The following PCDHA1 variants were observed in gnomAD, a reference collection of about 807,000 sequenced individuals.
PCDHA1 encodes protocadherin alpha-1.
In PCDHA1, 42 loss-of-function variants were observed where a neutral mutation model predicts 61.3. The ratio of observed to expected loss-of-function variants is 0.69; its 90% CI spans 0.54 to 0.89. PCDHA1 has a LOEUF of 0.89. Among genes scored for constraint, PCDHA1 ranks in the 40% least tolerant of loss-of-function variants. The pLI is 0.00. For missense variants in PCDHA1, 1,256 were observed against 1,235.3 expected, an observed-to-expected ratio of 1.02 and a Z score of -0.25; for synonymous variants, 610 against 553.8, an observed-to-expected ratio of 1.10 and a Z score of -1.43.
chr5:140,884,444 C>G (rs1186302015), intron 1 of PCDHA1: 1 of 1,613,776 alleles, frequency 6.2e-7, no homozygotes, highest in East Asian at 2.2e-5. Flanking sequence ...GTGCTCGGCA[C>G]CGCCCACCGA....
Position 140,843,067 on chromosome 5 carries a change from G to A in PCDHA1, c.2394+54383G>A, listed in dbSNP as rs143344890. 15 of 1,595,152 alleles carry A rather than the reference G, an allele frequency of 9.4e-6. 1 individual carries two copies. The African/African-American group carries it at 2.0e-4, about 21-fold the overall frequency. ...GTGGCGCAGCGAGCAAGCTGGTGCC[G>A]CGGTCTGTGGGCGCGGGCCACGTGG... On this transcript the variant is annotated intron_variant, in intron 1 of 3. Coordinates refer to ENST00000504120, the MANE Select transcript of PCDHA1 (RefSeq NM_018900.4).
intron 3 of PCDHA1, among the ~76,000 whole-genome samples, chr5:140,989,362 G>A (rs1264795948): frequency 6.6e-6 from 1 of 152,176 alleles, no homozygotes; most frequent in African/African-American, 2.4e-5. Context: ...GGTCACCTGT[G>A]TGACTGAGAG....
intron 1 of PCDHA1, chr5:140,881,257 C>T (rs2058639669): frequency 2.0e-6 from 1 of 512,572 alleles, no homozygotes; most frequent in Non-Finnish European, 2.5e-6. Context: ...CAAGGTTTTA[C>T]TCAGTGATGA....
At chr5:140,982,628 G>A (rs2096992254) in intron 3 of PCDHA1, 65 bp downstream of exon 3, 1 of 1,578,000 alleles carries the variant, frequency 6.3e-7, no homozygotes, top group African/African-American at 1.4e-5. Flanking sequence ...ACCTACTTTT[G>A]TAAGATCAGG....
Position 140,824,157 on chromosome 5 carries a change from TC to T in PCDHA1, c.2394+35476del, listed in dbSNP as rs2150132750. The T allele has an allele frequency of 1.9e-6, 3 of 1,611,546 alleles. No individual in the cohort carries two copies. In the Admixed American group the frequency reaches 5.0e-5, roughly 27 times the overall value. On this transcript the variant is annotated intron_variant, in intron 1 of 3. Transcript: ENST00000504120. ...GTTTTCTAATATTAACATCCATCTT[TC>T]CCTCCCAATTTTCAAATATTAAATG...
intron 1 of PCDHA1, among the ~76,000 whole-genome samples, chr5:140,919,230 A>G (rs56002): frequency 0.32 from 48,085 of 151,928 alleles, 7,955 homozygotes; most frequent in East Asian, 0.53. Flanking sequence ...TTCTAGTAAC[A>G]CTTTTTGTCT....
Position 140,787,236 on chromosome 5 carries a change from T to C in PCDHA1, c.946T>C (p.Tyr316His), listed in dbSNP as rs200214340. Residue 316 changes from tyrosine (Y) to histidine (H), a missense_variant, in exon 1 of 4, where the codon TAC (tyrosine) becomes CAC (histidine). Physicochemically the swap from Tyr to His is moderately conservative, Grantham distance 83. Transcript: ENST00000504120. ...DKLDYEETKS[Y>H]EIQVKAVDKG... is the part of the protein sequence containing the mutation. ...ACTGGATTATGAAGAAACAAAATCC[T>C]ACGAAATTCAAGTAAAGGCAGTTGA... The C allele has an allele frequency of 5.8e-4, 936 of 1,614,178 alleles. 13 individuals are homozygous for C. The South Asian group carries it at 9.6e-3, about 17-fold the overall frequency.
intron 1 of PCDHA1, chr5:140,865,728 T>C (rs1052740962): frequency 5.3e-5 from 8 of 152,218 alleles, no homozygotes; most frequent in Admixed American, 4.6e-4. Flanking sequence ...AGCTGAGATG[T>C]GTATCTATTT....
At chr5:140,879,173 G>T (rs1010561937) in intron 1 of PCDHA1, among the ~76,000 whole-genome samples, 2 of 152,160 alleles carry the variant, frequency 1.3e-5, no homozygotes, top group South Asian at 2.1e-4. Context: ...AATAAATTAG[G>T]TATCAAGTAA....
At chr5:140,910,850 A>G (rs1285161954) in intron 1 of PCDHA1, among the ~76,000 whole-genome samples, 1 of 152,168 alleles carries the variant, frequency 6.6e-6, no homozygotes, top group Non-Finnish European at 1.5e-5. Flanking sequence ...CCTTGGATCT[A>G]TGTTCCATCC....
chr5:140,883,453 C>A lies in PCDHA1; in HGVS notation c.2394+94769C>A, dbSNP rs138388360. The stretch of plus-strand genomic sequence containing the variant: ...GCACCTTGACGCCGCATGTCCCCTT[C>A]AAGCTGGTGTCCACCTACAAGAACT... On this transcript the variant is annotated intron_variant, in intron 1 of 3. Transcript: ENST00000504120. 3.2e-5 allele frequency: 51 copies of A among 1,614,168 alleles called. No individual in the cohort carries two copies. In the East Asian group the frequency reaches 1.1e-3, roughly 35 times the overall value.
At chr5:140,969,359 C>A (rs1554231722) in intron 1 of PCDHA1, 2 of 1,611,118 alleles carry the variant, frequency 1.2e-6, no homozygotes, top group Admixed American at 3.4e-5. Flanking sequence ...GGGTCTTCTA[C>A]AAACTCATGC....
intron 1 of PCDHA1, chr5:140,866,786 T>C (rs368538353): frequency 6.6e-6 from 1 of 152,286 alleles, no homozygotes; most frequent in African/African-American, 2.4e-5. Context: ...TCCTGACTGA[T>C]ATAGTAAAAG....
chr5:140,889,928 G>A (rs554679699), intron 1 of PCDHA1, among the ~76,000 whole-genome samples: 98 of 152,304 alleles, frequency 6.4e-4, no homozygotes, highest in South Asian at 1.5e-3. Context: ...AGAAGCTCAA[G>A]CTGGACTTGT....
At chr5:140,995,281 A>G (rs1159938577) in intron 3 of PCDHA1, among the ~76,000 whole-genome samples, 1 of 152,144 alleles carries the variant, frequency 6.6e-6, no homozygotes. Context: ...TGATACCAAA[A>G]CAGCCAGTCG....
chr5:140,964,689 GAGAGATTA>G (rs781865484), intron 1 of PCDHA1, among the ~76,000 whole-genome samples: 4 of 152,008 alleles, frequency 2.6e-5, no homozygotes, highest in Non-Finnish European at 5.9e-5. Context: ...TTGTGCACTT[GAGAGATTA>G]AGGCCTCCGA....
rs1350835757 is a variant in PCDHA1, at chr5:141,010,856, A to G, written c.*919A>G. Reference sequence around the variant, plus strand: ...CATAGATTTATTTAAAAAAAGAGAAAGTCTATAGCTATAAATCTTTAAAGA... The same window carrying G: ...CATAGATTTATTTAAAAAAAGAGAAGGTCTATAGCTATAAATCTTTAAAGA... On this transcript the variant is annotated 3_prime_UTR_variant, in exon 4 of 4. Coordinates refer to ENST00000504120, the MANE Select transcript of PCDHA1 (RefSeq NM_018900.4). The G allele has an allele frequency of 1.3e-5, 2 of 153,800 alleles. No homozygotes were observed. Among genetic ancestry groups the G allele is most frequent in the African/African-American group, 2.4e-5 (1 of 41,464 alleles). The allele number at this position is 153,800 out of a possible 1,614,324, so 9.5% of individuals were successfully genotyped here. A position where few individuals can be genotyped will look rare whatever the true frequency, so the allele number is the denominator to read the frequency against.
chr5:140,928,943 T>C, intron 1 of PCDHA1: 1 of 1,614,090 alleles, frequency 6.2e-7, no homozygotes, highest in Non-Finnish European at 8.5e-7. Flanking sequence ...AACTTGTATT[T>C]AGTAATTGCC....
intron 1 of PCDHA1, among the ~76,000 whole-genome samples, chr5:140,833,579 G>A (rs1397865134): frequency 6.6e-6 from 1 of 152,168 alleles, no homozygotes; most frequent in East Asian, 1.9e-4. Context: ...ATGAACTCCT[G>A]AAACAGTATA....
Sources: gnomAD v4.1 joint callset for allele counts (sites outside exome capture counted in the v4.1 genomes callset) on GRCh38, gnomAD v4.1.1 for gene constraint, MANE v1.5 for transcripts, NCBI Gene and HGNC (gene_info 2026-07-23, HGNC 2026-07-21) for gene names.